Variants in ANXA10 observed in about 807,000 individuals in gnomAD.
ANXA10 encodes annexin A10, also known as annexin 14.
Under a neutral mutation model 53.5 loss-of-function variants are expected in ANXA10, and 49 were observed. The observed-to-expected ratio is 0.92, with a 90% CI of 0.73 to 1.16. ANXA10 has a LOEUF of 1.16. Ranked by LOEUF, ANXA10 falls within the 50% of genes most tolerant of loss-of-function variation. The pLI is 0.00. For missense variants in ANXA10, 393 were observed against 394.4 expected, an observed-to-expected ratio of 1.00 and a Z score of 0.03; for synonymous variants, 131 against 128.9, an observed-to-expected ratio of 1.02 and a Z score of -0.11.
At chr4:168,183,926 A>G (rs1427285340) in intron 10 of ANXA10, among the ~76,000 whole-genome samples, 2 of 152,190 alleles carry the variant, frequency 1.3e-5, no homozygotes, top group African/African-American at 4.8e-5. Flanking sequence ...CTGTTTGGAA[A>G]GACAATTTGA....
intron 2 of ANXA10, among the ~76,000 whole-genome samples, chr4:168,129,201 T>C (rs909698784): frequency 6.6e-6 from 1 of 152,124 alleles, no homozygotes; most frequent in Non-Finnish European, 1.5e-5. Flanking sequence ...TGTGTTTTAT[T>C]CACTAGCAGT....
At chr4:168,186,143 T>C (rs1210666578) in intron 11 of ANXA10, among the ~76,000 whole-genome samples, 1 of 152,258 alleles carries the variant, frequency 6.6e-6, no homozygotes, top group Non-Finnish European at 1.5e-5. Flanking sequence ...AATGTAACTT[T>C]GCTATGTACA....
At chr4:168,143,541 A>G (rs1731356939) in intron 3 of ANXA10, among the ~76,000 whole-genome samples, 1 of 152,240 alleles carries the variant, frequency 6.6e-6, no homozygotes, top group Admixed American at 6.5e-5. Context: ...AAAGTAATTC[A>G]TGAGGTCACT....
At chr4:168,175,199 T>C (rs1732103392) in intron 6 of ANXA10, among the ~76,000 whole-genome samples, 1 of 152,086 alleles carries the variant, frequency 6.6e-6, no homozygotes, top group African/African-American at 2.4e-5. Flanking sequence ...GTGATGAAAG[T>C]ATAGCAAGAA....
At position 168,176,505 on chromosome 4, in the gene ANXA10, A is replaced by G. The variant is rs531180055; in HGVS notation, c.481-1235A>G. On this transcript the variant is annotated intron_variant, in intron 6 of 11. Coordinates refer to ENST00000359299, the MANE Select transcript of ANXA10 (RefSeq NM_007193.5). The stretch of plus-strand genomic sequence containing the variant: ...CTGGAACACTGTCCCTGCCATGGTC[A>G]TAAACAACTCAATCTGGCAAGCTTC... Among the ~76,000 whole-genome samples the G allele has an allele frequency of 5.6e-4, 85 of 152,296 alleles. 1 individual carries two copies. Among genetic ancestry groups the G allele is most frequent in the Middle Eastern group, 3.4e-3 (1 of 294 alleles).
At chr4:168,112,893 C>T (rs906222340) in intron 1 of ANXA10, among the ~76,000 whole-genome samples, 42 of 151,952 alleles carry the variant, frequency 2.8e-4, no homozygotes, top group African/African-American at 9.4e-4. Flanking sequence ...TGTGGTGGCA[C>T]GTGCTTGTAG....
intron 6 of ANXA10, among the ~76,000 whole-genome samples, chr4:168,171,542 C>A (rs904405675): frequency 6.6e-6 from 1 of 152,040 alleles, no homozygotes; most frequent in African/African-American, 2.4e-5. Context: ...TTAATAGAGA[C>A]TGGGGTAATT....
At chr4:168,166,930 G>A (rs1208463969) in intron 6 of ANXA10, among the ~76,000 whole-genome samples, 3 of 152,168 alleles carry the variant, frequency 2.0e-5, no homozygotes, top group Non-Finnish European at 4.4e-5. Context: ...CTATAGTCCA[G>A]GTGGAGGGGA....
In ANXA10 at chr4:168,156,175, AT is replaced by A. The variant is rs1441498416; in HGVS notation, c.196-6351del. Among the ~76,000 whole-genome samples, 97 of 34,050 alleles carry A rather than the reference AT, an allele frequency of 2.8e-3. 4 individuals are homozygous for A. Among genetic ancestry groups the A allele is most frequent in the African/African-American group, 0.014 (84 of 5,918 alleles). The allele number at this position is 34,050 out of a possible 152,430, so 22.3% of individuals were successfully genotyped here. ...ATATATTATATATTATATATATTAT[AT>A]TATATATTATATATTATATATAATA... On this transcript the variant is annotated intron_variant, in intron 3 of 11. Transcript: ENST00000359299.
Position 168,164,293 on chromosome 4 carries a change from G to A in ANXA10, c.400+5G>A, listed in dbSNP as rs1309680945. On this transcript the variant is annotated splice_donor_5th_base_variant and intron_variant, in intron 5 of 11. Transcript: ENST00000359299. ...TGCGAGAAGCCTACTGCTTGCGTAA[G>A]GAAATATACATATGTGAATATATTT... The A allele has an allele frequency of 6.3e-6, 10 of 1,588,620 alleles. No individual in the cohort carries two copies. Among genetic ancestry groups the A allele is most frequent in the African/African-American group, 1.3e-5 (1 of 74,256 alleles).
intron 3 of ANXA10, among the ~76,000 whole-genome samples, chr4:168,142,081 A>T (rs1303344117): frequency 6.6e-6 from 1 of 152,058 alleles, no homozygotes; most frequent in Non-Finnish European, 1.5e-5. Context: ...TTCTGCTCAC[A>T]GTTGACTAAT....
Position 168,167,858 on chromosome 4 carries a change from G to A in ANXA10, c.480+2532G>A, listed in dbSNP as rs115872332. ...ATCTCTTAGAAGGTAAAACTGGCCG[G>A]GTATTACTAGAGGGCTGAGTCATAA... is the stretch of plus-strand genomic sequence containing the variant. On this transcript the variant is annotated intron_variant, in intron 6 of 11. Coordinates refer to ENST00000359299, the MANE Select transcript of ANXA10 (RefSeq NM_007193.5). Among the ~76,000 whole-genome samples, 309 of 152,186 alleles carry A rather than the reference G, an allele frequency of 2.0e-3. 1 individual carries two copies. Among genetic ancestry groups the A allele is most frequent in the Middle Eastern group, 0.017 (5 of 294 alleles).
chr4:168,132,411 A>G (rs1257154683), intron 2 of ANXA10, among the ~76,000 whole-genome samples: 2 of 152,090 alleles, frequency 1.3e-5, no homozygotes, highest in African/African-American at 4.8e-5. Context: ...TATTTACGAG[A>G]TCTAAAAATC....
intron 6 of ANXA10, among the ~76,000 whole-genome samples, chr4:168,169,494 T>G (rs1731943173): frequency 6.6e-6 from 1 of 152,190 alleles, no homozygotes; most frequent in Non-Finnish European, 1.5e-5. Context: ...AAATCCTGCT[T>G]CTGTTCCCTC....
chr4:168,133,986 TGAA>T (rs748876837), intron 2 of ANXA10, among the ~76,000 whole-genome samples: 51 of 152,144 alleles, frequency 3.4e-4, no homozygotes, highest in Admixed American at 5.9e-4. Flanking sequence ...TGTGATTATA[TGAA>T]GAAGAGGTTA....
At chr4:168,100,041 A>G (rs1730615882) in intron 1 of ANXA10, among the ~76,000 whole-genome samples, 1 of 152,060 alleles carries the variant, frequency 6.6e-6, no homozygotes. Context: ...CTTTTTGCAT[A>G]TTGAGAAAGT....
chr4:168,133,755 A>G (rs1322240327), intron 2 of ANXA10, among the ~76,000 whole-genome samples: 1 of 152,156 alleles, frequency 6.6e-6, no homozygotes, highest in South Asian at 2.1e-4. Context: ...ACAATAGTTC[A>G]GTATTTACTA....
At chr4:168,118,545 T>A (rs1730934725) in intron 1 of ANXA10, among the ~76,000 whole-genome samples, 1 of 152,162 alleles carries the variant, frequency 6.6e-6, no homozygotes, top group African/African-American at 2.4e-5. Context: ...AGTGTTCTGT[T>A]TTTTTCTAAT....
chr4:168,145,941 G>A (rs922028260), intron 3 of ANXA10, among the ~76,000 whole-genome samples: 2 of 147,148 alleles, frequency 1.4e-5, no homozygotes, highest in African/African-American at 2.5e-5. Context: ...TTTTTTCTTT[G>A]AGACAGAGTC....
Sources: allele counts gnomAD v4.1 joint callset (sites outside exome capture counted in the v4.1 genomes callset), GRCh38; gene constraint gnomAD v4.1.1; transcripts MANE v1.5; gene names NCBI Gene and HGNC (gene_info 2026-07-23, HGNC 2026-07-21).